The following SESTD1 variants were observed in gnomAD, a reference collection of about 807,000 sequenced individuals.
SESTD1 encodes SEC14 and spectrin domain containing 1, also known as SEC14 domain and spectrin repeat-containing protein 1.
In SESTD1, 43 loss-of-function variants were observed where a neutral mutation model predicts 101.7. That is an observed-to-expected ratio of 0.42 (90% CI 0.33 to 0.55). The LOEUF (loss-of-function observed/expected upper bound fraction) is 0.55. Ranked by LOEUF, SESTD1 falls within the 20% of genes least tolerant of loss-of-function variation. The pLI is 0.07. For synonymous variants in SESTD1, 283 were observed against 286.8 expected (o/e 0.99, Z 0.13); for missense variants, 647 against 815.1 (o/e 0.79, Z 2.51).
In SESTD1 at chr2:179,207,643, C is replaced by T. The variant is rs1364368649; in HGVS notation, c.-25-15777G>A. Among the ~76,000 whole-genome samples, 2 of 134,868 alleles carry T rather than the reference C, an allele frequency of 1.5e-5. 1 individual carries two copies. The highest frequency in any genetic ancestry group is 3.2e-5 in the Non-Finnish European group (2 of 62,686). The allele number at this position is 134,868 out of a possible 152,430, so 88.5% of individuals were successfully genotyped here. ...CTAGACTTAGAAGGGCAATAACAATCACTGCAGTCTGGCTCTCAGGAAGCC... is the reference window on the plus strand; with the variant it reads ...CTAGACTTAGAAGGGCAATAACAATTACTGCAGTCTGGCTCTCAGGAAGCC... On this transcript the variant is annotated intron_variant, in intron 1 of 17. Transcript: ENST00000428443.
intron 1 of SESTD1, among the ~76,000 whole-genome samples, chr2:179,263,721 A>C (rs1324239831): frequency 6.6e-6 from 1 of 152,220 alleles, no homozygotes; most frequent in African/African-American, 2.4e-5. Flanking sequence ...CGTGCATCCC[A>C]GGGTGAAATC....
At position 179,106,856 on chromosome 2, in the gene SESTD1, CTGCTGGGT is replaced by C. The variant is rs1288095873; in HGVS notation, c.*3035_*3042del. The C allele has an allele frequency of 6.6e-6, 1 of 151,960 alleles. No homozygotes were observed. Among genetic ancestry groups the C allele is most frequent in the African/African-American group, 2.4e-5 (1 of 41,358 alleles). 9.4% of individuals were successfully genotyped at this position (151,960 alleles called of 1,614,324 possible). The stretch of plus-strand genomic sequence containing the variant: ...ATGAAGTCATCATTTTTGCATAACT[CTGCTGGGT>C]TAGACATGTGCGAAGAACAGATGCC... On this transcript the variant is annotated 3_prime_UTR_variant, in exon 18 of 18. Transcript: ENST00000428443.
At chr2:179,141,144 T>C (rs1294390559) in intron 9 of SESTD1, among the ~76,000 whole-genome samples, 1 of 152,178 alleles carries the variant, frequency 6.6e-6, no homozygotes, top group Non-Finnish European at 1.5e-5. Flanking sequence ...ACTACCCTTC[T>C]ACATATTCTC....
intron 9 of SESTD1, among the ~76,000 whole-genome samples, chr2:179,137,283 GGC>G (rs1434185236): frequency 6.6e-6 from 1 of 152,094 alleles, no homozygotes; most frequent in African/African-American, 2.4e-5. Context: ...CTTCTTGCAT[GGC>G]TAGGCTCATT....
rs2044733406 is a variant in SESTD1 at position 179,120,838 on chromosome 2, A to T, written c.1442+932T>A. ...TGAGGAAGAGTTCTAATGCTAAAAG[A>T]CAAAGAGTTGAAGAGGAAGACGTAC... On this transcript the variant is annotated intron_variant, in intron 13 of 17. Transcript: ENST00000428443. Among the ~76,000 whole-genome samples the T allele has an allele frequency of 2.0e-5, 3 of 152,194 alleles. No homozygotes were observed. The South Asian group carries it at 6.2e-4, about 32-fold the overall frequency.
At chr2:179,153,012 G>A (rs921653880) in intron 5 of SESTD1, among the ~76,000 whole-genome samples, 1 of 152,090 alleles carries the variant, frequency 6.6e-6, no homozygotes, top group Non-Finnish European at 1.5e-5. Context: ...CTTCTGATAG[G>A]AGGAAGCAAG....
intron 1 of SESTD1, among the ~76,000 whole-genome samples, chr2:179,196,494 T>A (rs2046396025): frequency 6.6e-6 from 1 of 152,200 alleles, no homozygotes; most frequent in Admixed American, 6.5e-5. Flanking sequence ...AGGCTCCACA[T>A]CTTGGGGGCA....
At chr2:179,192,810 C>T (rs559305274) in intron 1 of SESTD1, among the ~76,000 whole-genome samples, 1 of 152,302 alleles carries the variant, frequency 6.6e-6, no homozygotes, top group South Asian at 2.1e-4. Context: ...CTATTATCCT[C>T]TTATACTCAT....
intron 1 of SESTD1, among the ~76,000 whole-genome samples, chr2:179,228,096 C>CA (rs760824159): frequency 1.3e-5 from 2 of 152,164 alleles, no homozygotes; most frequent in Non-Finnish European, 2.9e-5. Flanking sequence ...TACCATCTAT[C>CA]AATCACTGAG....
intron 1 of SESTD1, among the ~76,000 whole-genome samples, chr2:179,262,595 T>C (rs1193935392): frequency 6.6e-6 from 1 of 152,180 alleles, no homozygotes; most frequent in African/African-American, 2.4e-5. Flanking sequence ...TTTAGTAAAG[T>C]AAAACTACTA....
intron 12 of SESTD1, among the ~76,000 whole-genome samples, 157 bp downstream of exon 12, chr2:179,123,558 T>TA (rs368984983): frequency 3.2e-4 from 49 of 152,170 alleles, no homozygotes; most frequent in African/African-American, 1.0e-3. Context: ...GCATAAATTA[T>TA]AACCCCTCAA....
chr2:179,129,516 AGCTTT>A (rs907944494), intron 10 of SESTD1, among the ~76,000 whole-genome samples: 2 of 152,164 alleles, frequency 1.3e-5, no homozygotes, highest in African/African-American at 4.8e-5. Flanking sequence ...TGGGGTTTTT[AGCTTT>A]ATTTCTGCAT....
intron 2 of SESTD1, among the ~76,000 whole-genome samples, chr2:179,184,548 G>A (rs896817660): frequency 6.6e-6 from 1 of 151,158 alleles, no homozygotes; most frequent in African/African-American, 2.4e-5. Context: ...TTCAGAATAT[G>A]TGTCATTTCT....
At chr2:179,204,919 T>A (rs1369321058) in intron 1 of SESTD1, among the ~76,000 whole-genome samples, 1 of 135,206 alleles carries the variant, frequency 7.4e-6, no homozygotes, top group East Asian at 2.0e-4. Context: ...GAAATGCAGA[T>A]ACAGAGACAA....
At chr2:179,234,139 CTCCAGCAGGACTGCCT>C (rs1020080953) in intron 1 of SESTD1, among the ~76,000 whole-genome samples, 1 of 152,150 alleles carries the variant, frequency 6.6e-6, no homozygotes, top group African/African-American at 2.4e-5. Flanking sequence ...AGAGGCATTC[CTCCAGCAGGACTGCCT>C]TCAGACTTCA....
At chr2:179,210,239 G>C (rs1468921377) in intron 1 of SESTD1, among the ~76,000 whole-genome samples, 1 of 127,028 alleles carries the variant, frequency 7.9e-6, no homozygotes, top group African/African-American at 3.7e-5. Flanking sequence ...TGGATTCACA[G>C]CTGAATTCTA....
chr2:179,198,183 T>C (rs1269687800), intron 1 of SESTD1, among the ~76,000 whole-genome samples: 1 of 152,136 alleles, frequency 6.6e-6, no homozygotes, highest in East Asian at 1.9e-4. Context: ...AAACAGACTT[T>C]AAACCAACAA....
intron 1 of SESTD1, among the ~76,000 whole-genome samples, chr2:179,255,668 T>C (rs889916128): frequency 7.2e-5 from 11 of 152,240 alleles, no homozygotes; most frequent in African/African-American, 1.2e-4. Flanking sequence ...AGCTGCAGTA[T>C]GTTATCAAAA....
rs77734931 is a variant in SESTD1 at position 179,222,184 on chromosome 2, C to T, written c.-25-30318G>A. Among the ~76,000 whole-genome samples, 559 of 152,282 alleles carry T rather than the reference C, an allele frequency of 3.7e-3. 6 individuals carry two copies. Among genetic ancestry groups the T allele is most frequent in the African/African-American group, 0.013 (527 of 41,546 alleles). ...ACTTCCCCCACCAAAGATCTCTCTA[C>T]TATGGGATTCTGTTCCAAAGAGTTG... is the stretch of plus-strand genomic sequence containing the variant. On this transcript the variant is annotated intron_variant, in intron 1 of 17. Transcript: ENST00000428443.
Sources: gnomAD v4.1 joint callset for allele counts (sites outside exome capture counted in the v4.1 genomes callset) on GRCh38, gnomAD v4.1.1 for gene constraint, MANE v1.5 for transcripts, NCBI Gene and HGNC (gene_info 2026-07-23, HGNC 2026-07-21) for gene names.